The following RANBP2 variants were observed in gnomAD, a reference collection of about 807,000 sequenced individuals.
The protein encoded by RANBP2 is RAN binding protein 2, also known as E3 SUMO-protein ligase RanBP2.
RANBP2 carries 57 observed loss-of-function variants against 303.6 expected under a neutral mutation model. The observed-to-expected ratio is 0.19, with a 90% CI of 0.15 to 0.23. The LOEUF (loss-of-function observed/expected upper bound fraction) is 0.23, where lower values mean the gene tolerates loss of function less well. Among genes scored for constraint, RANBP2 ranks in the 10% least tolerant of loss-of-function variants. The pLI is 1.00. For synonymous variants in RANBP2, 1,167 were observed against 1,301.5 expected (o/e 0.90, Z 2.23); for missense variants, 3,138 against 3,780.8 (o/e 0.83, Z 4.46).
At chr2:108,838,852 G>T in the RANBP2 span, among the ~76,000 whole-genome samples, 5 of 151,934 alleles carry the variant, frequency 3.3e-5, no homozygotes, top group Admixed American at 2.6e-4. Context: ...ATATGCCATG[G>T]CAATAAATAT....
At chr2:108,879,579 A>G in the RANBP2 span, among the ~76,000 whole-genome samples, 45 of 152,342 alleles carry the variant, frequency 3.0e-4, no homozygotes, top group Middle Eastern at 0.014. Flanking sequence ...CAGAAATACA[A>G]GATTAACTTT....
the RANBP2 span, among the ~76,000 whole-genome samples, chr2:109,118,704 T>C: frequency 7.2e-5 from 11 of 152,056 alleles, no homozygotes; most frequent in East Asian, 2.2e-3. Flanking sequence ...AATACCTCAA[T>C]AAGTCATGAT....
chr2:109,224,350 G>T, the RANBP2 span, among the ~76,000 whole-genome samples: 55 of 152,296 alleles, frequency 3.6e-4, no homozygotes, highest in African/African-American at 1.3e-3. Flanking sequence ...TTTCAGATAC[G>T]CATGTGGGAT....
the RANBP2 span, among the ~76,000 whole-genome samples, chr2:109,294,686 G>T: frequency 1.3e-5 from 2 of 152,160 alleles, no homozygotes; most frequent in African/African-American, 4.8e-5. Flanking sequence ...TGGTGACGGG[G>T]CTGGGCTCAG....
the RANBP2 span, among the ~76,000 whole-genome samples, chr2:109,712,320 C>A: frequency 1.3e-5 from 2 of 152,200 alleles, no homozygotes; most frequent in Non-Finnish European, 2.9e-5. Flanking sequence ...CAGAGCCTTG[C>A]CCTCTCCAGG....
the RANBP2 span, among the ~76,000 whole-genome samples, chr2:109,673,485 C>T: frequency 1.3e-5 from 2 of 152,194 alleles, no homozygotes; most frequent in Non-Finnish European, 2.9e-5. Context: ...AAATCTAAGG[C>T]TCTGCTCTGT....
At chr2:108,797,392 G>A in the RANBP2 span, among the ~76,000 whole-genome samples, 1 of 152,126 alleles carries the variant, frequency 6.6e-6, no homozygotes, top group African/African-American at 2.4e-5. Flanking sequence ...AATAAAATAA[G>A]GACTGAAAAG....
intron 1 of RANBP2, 104 bp from the exon 2 acceptor site, chr2:108,729,028 G>T (rs826532): frequency 3.8e-6 from 5 of 1,330,166 alleles, no homozygotes; most frequent in Non-Finnish European, 4.1e-6. Context: ...GTGAATGAAA[G>T]TGGCGTATTT....
In RANBP2 at chr2:108,758,464, C is replaced by T. The variant is rs377513829; in HGVS notation, c.2518C>T (p.Arg840Cys). ...LNSSNSASPHRWPTENYGPDS... is the reference protein window; with the variant it reads ...LNSSNSASPHCWPTENYGPDS... The stretch of plus-strand genomic sequence containing the variant: ...TAGCAGTAACTCAGCATCCCCTCAT[C>T]GTTGGCCCACAGAGAATTATGGACC... The change falls in exon 18 of 29, where the codon CGT becomes TGT. Residue 840 changes from arginine (R) to cysteine (C), a missense_variant. By Grantham distance (180) the Arg-to-Cys change is radical. Coordinates refer to ENST00000283195, the MANE Select transcript of RANBP2 (RefSeq NM_006267.5). The T allele has an allele frequency of 4.3e-6, 7 of 1,611,508 alleles. No homozygotes were observed. The Admixed American group carries it at 5.0e-5, about 12-fold the overall frequency.
the RANBP2 span, among the ~76,000 whole-genome samples, chr2:109,208,427 T>C: frequency 6.6e-6 from 1 of 152,196 alleles, no homozygotes; most frequent in South Asian, 2.1e-4. Context: ...ACTTGCTGTC[T>C]AGGAGCCCAG....
intron 1 of RANBP2, among the ~76,000 whole-genome samples, chr2:108,720,726 T>C (rs1169267258): frequency 6.6e-6 from 1 of 152,222 alleles, no homozygotes; most frequent in Non-Finnish European, 1.5e-5. Context: ...AAATGTTAGC[T>C]ACAAGTCACT....
the RANBP2 span, among the ~76,000 whole-genome samples, chr2:109,081,444 T>C: frequency 1.3e-5 from 2 of 152,130 alleles, no homozygotes; most frequent in South Asian, 4.1e-4. Context: ...CTGGCCTGTT[T>C]TTTCACATGG....
chr2:109,459,613 G>A, the RANBP2 span, among the ~76,000 whole-genome samples: 4 of 152,110 alleles, frequency 2.6e-5, no homozygotes, highest in South Asian at 2.1e-4. Context: ...AGTTTCCCAC[G>A]GTGGTCAGGA....
At chr2:108,955,655 G>A in the RANBP2 span, among the ~76,000 whole-genome samples, 5 of 151,354 alleles carry the variant, frequency 3.3e-5, no homozygotes, top group African/African-American at 1.2e-4. Context: ...GCAGTGAGCC[G>A]AGATCACACC....
the RANBP2 span, among the ~76,000 whole-genome samples, chr2:109,495,477 C>CTTTTTTTTTT: frequency 3.1e-4 from 29 of 94,278 alleles, 3 homozygotes; most frequent in African/African-American, 6.8e-4. Flanking sequence ...TCTTTCATTC[C>CTTTTTTTTTT]TTTTTTTTTT....
At chr2:109,418,053 G>A in the RANBP2 span, among the ~76,000 whole-genome samples, 2 of 152,036 alleles carry the variant, frequency 1.3e-5, no homozygotes, top group Admixed American at 1.3e-4. Context: ...GCTCACCTGA[G>A]GACACACACT....
At chr2:108,869,737 A>G in the RANBP2 span, among the ~76,000 whole-genome samples, 1 of 152,180 alleles carries the variant, frequency 6.6e-6, no homozygotes, top group Non-Finnish European at 1.5e-5. Context: ...ATGCATGCCC[A>G]GACAAGACCT....
the RANBP2 span, among the ~76,000 whole-genome samples, chr2:109,498,232 C>T: frequency 6.6e-6 from 1 of 152,212 alleles, no homozygotes; most frequent in Non-Finnish European, 1.5e-5. Context: ...AACCATCGTG[C>T]ACCCGTAGAT....
chr2:109,615,166 G>A, the RANBP2 span: 1 of 1,549,092 alleles, frequency 6.5e-7, no homozygotes, highest in African/African-American at 1.4e-5. Context: ...GGGGGCAGCA[G>A]CCCGGGCAGC....
Sources: gnomAD v4.1 joint callset for allele counts (sites outside exome capture counted in the v4.1 genomes callset) on GRCh38, gnomAD v4.1.1 for gene constraint, MANE v1.5 for transcripts, NCBI Gene and HGNC (gene_info 2026-07-23, HGNC 2026-07-21) for gene names.